Variants in SRCIN1 observed in about 807,000 individuals in gnomAD.
SRCIN1 encodes the protein P130Cas-associated protein.
SRCIN1 carries 50 observed loss-of-function variants against 116.2 expected under a neutral mutation model. The observed-to-expected ratio is 0.43, with a 90% CI of 0.34 to 0.54. The LOEUF (loss-of-function observed/expected upper bound fraction) is 0.54. Ranked by LOEUF, SRCIN1 falls within the 20% of genes least tolerant of loss-of-function variation. The probability of loss-of-function intolerance (pLI) is 0.02; values close to 1 mark genes in which losing one functional copy is unlikely to be tolerated. For synonymous variants in SRCIN1, 736 were observed against 750.0 expected, an observed-to-expected ratio of 0.98 and a Z score of 0.30; for missense variants, 1,446 against 1,672.0, an observed-to-expected ratio of 0.86 and a Z score of 2.36.
At chr17:38,571,831 A>G (rs1252266389) in intron 2 of SRCIN1, among the ~76,000 whole-genome samples, 5 of 152,156 alleles carry the variant, frequency 3.3e-5, no homozygotes, top group Non-Finnish European at 7.4e-5. Flanking sequence ...GGAGTCCTCA[A>G]ACTCCTGGTG....
intron 18 of SRCIN1, among the ~76,000 whole-genome samples, chr17:38,534,073 T>C (rs1391246042): frequency 6.6e-6 from 1 of 152,204 alleles, no homozygotes; most frequent in East Asian, 1.9e-4. Flanking sequence ...CAAGCACTTG[T>C]CGCCCCAGTT....
At chr17:38,535,206 TTTC>T (rs1272187618) in intron 18 of SRCIN1, among the ~76,000 whole-genome samples, 2 of 134,958 alleles carry the variant, frequency 1.5e-5, no homozygotes, top group South Asian at 2.2e-4. Flanking sequence ...TTTCTTTTTC[TTTC>T]TTTTTTTTTT....
At chr17:38,598,717 C>A (rs528695469) in intron 1 of SRCIN1, among the ~76,000 whole-genome samples, 1 of 152,322 alleles carries the variant, frequency 6.6e-6, no homozygotes, top group Non-Finnish European at 1.5e-5. Context: ...AGGCAGGTGG[C>A]CTGGGCTACC....
At chr17:38,542,798 G>A (rs1904829320) in intron 18 of SRCIN1, 1 of 285,392 alleles carries the variant, frequency 3.5e-6, no homozygotes, top group African/African-American at 2.2e-5. Flanking sequence ...CTCCTCCTCT[G>A]AGCTGCCCCC....
chr17:38,542,510 C>T (rs73304407), intron 18 of SRCIN1: 4,035 of 154,244 alleles, frequency 0.026, 177 homozygotes, highest in African/African-American at 0.091. Context: ...CCAGCCCGGA[C>T]AGGACAAGGG....
chr17:38,561,943 C>T lies in SRCIN1; in HGVS notation c.1220G>A (p.Arg407His). 6.8e-7 allele frequency: 1 copy of T among 1,463,376 alleles called. No individual in the cohort carries two copies. Among genetic ancestry groups the T allele is most frequent in the Non-Finnish European group, 8.9e-7 (1 of 1,120,418 alleles). 90.6% of individuals were successfully genotyped at this position (1,463,376 alleles called of 1,614,324 possible). A position where few individuals can be genotyped will look rare whatever the true frequency, so the allele number is the denominator to read the frequency against. Reference protein sequence around the residue: ...ADPYGLLHEGRLSLAAAAGDP... With the variant: ...ADPYGLLHEGHLSLAAAAGDP... ...GCCGGCGGCCGCGGCCAGGCTCAGA[C>T]GGCCCTCGTGCAGCAGCCCGTAGGG... The change falls in exon 7 of 19, where the codon CGT (arginine) becomes CAT (histidine). Residue 407 changes from arginine to histidine, a missense_variant. Transcript: ENST00000617146.
At position 38,559,731 on chromosome 17, in the gene SRCIN1, A is replaced by G; in HGVS notation, c.1879T>C (p.Ser627Pro). Reference sequence around the variant, plus strand: ...CTGGCCGAGGGCGGGGGCGGGCCGGACACCGGGGTGGCCCCGCTGCTCCGG... The same window carrying G: ...CTGGCCGAGGGCGGGGGCGGGCCGGGCACCGGGGTGGCCCCGCTGCTCCGG... ...GGRSSGATPV[S>P]GPPPPSASST... Residue 627 changes from serine to proline, a missense_variant, in exon 10 of 19, where the codon TCC (serine) becomes CCC (proline). Transcript: ENST00000617146. The G allele has an allele frequency of 6.4e-7, 1 of 1,555,492 alleles. No homozygotes were observed. The highest frequency in any genetic ancestry group is 1.2e-5 in the South Asian group (1 of 84,766).
chr17:38,549,014 T>C (rs750409530), intron 16 of SRCIN1, 42 bp downstream of exon 16: 1 of 1,608,508 alleles, frequency 6.2e-7, no homozygotes, highest in East Asian at 2.2e-5. Context: ...GGCTTCATCC[T>C]AACTCAGTCC....
intron 1 of SRCIN1, among the ~76,000 whole-genome samples, chr17:38,595,944 C>T (rs1356496088): frequency 2.6e-5 from 4 of 152,216 alleles, no homozygotes; most frequent in Non-Finnish European, 5.9e-5. Context: ...GCTGGGCCCA[C>T]CAGGGATAGC....
rs1388042800 is a variant in SRCIN1 at position 38,558,050 on chromosome 17, G to A, written c.2201+177C>T. ...AAGAAATCAGGAATAATGCCAGCCG[G>A]TCAAAAGTTTGTGGGTCACAGTGAA... On this transcript the variant is annotated intron_variant, in intron 11 of 18. Coordinates refer to ENST00000617146, the MANE Select transcript of SRCIN1 (RefSeq NM_025248.3). The surrounding 1 kb of genome is among the most constrained non-coding windows in gnomAD (Gnocchi z 4.6). Among the ~76,000 whole-genome samples, 1 of 152,206 alleles carries A rather than the reference G, an allele frequency of 6.6e-6. No homozygotes were observed. The highest frequency in any genetic ancestry group is 6.5e-5 in the Admixed American group (1 of 15,274).
intron 10 of SRCIN1, chr17:38,559,273 G>T: frequency 2.0e-6 from 1 of 494,820 alleles, no homozygotes; most frequent in Non-Finnish European, 3.6e-6. Flanking sequence ...ACTGACGACG[G>T]AGGGGCTCAG....
In SRCIN1 at chr17:38,603,834, T is replaced by C. The variant is rs149780533; in HGVS notation, c.22+1850A>G. ...CTTCTACCCCAGGCCACCAGCTAAG[T>C]CTCTGTCCCCAGCAACTCTCAGCTT... On this transcript the variant is annotated intron_variant, in intron 1 of 18. Transcript: ENST00000617146. Among the ~76,000 whole-genome samples, 3 of 151,598 alleles carry C rather than the reference T, an allele frequency of 2.0e-5. No homozygotes were observed. In the South Asian group the frequency reaches 6.2e-4, roughly 32 times the overall value.
At chr17:38,533,968 T>TCCACCACCA (rs142815334) in intron 18 of SRCIN1, among the ~76,000 whole-genome samples, 72 of 151,860 alleles carry the variant, frequency 4.7e-4, no homozygotes, top group African/African-American at 1.7e-3. Flanking sequence ...AAAGACCCCG[T>TCCACCACCA]CCACCACCAC....
At chr17:38,580,658 C>T (rs1428796023) in intron 1 of SRCIN1, among the ~76,000 whole-genome samples, 2 of 152,160 alleles carry the variant, frequency 1.3e-5, no homozygotes, top group Admixed American at 6.5e-5. Context: ...TTGACAGCAC[C>T]ACATGGCATG....
At chr17:38,535,506 C>T (rs762611851) in intron 18 of SRCIN1, among the ~76,000 whole-genome samples, 9 of 152,172 alleles carry the variant, frequency 5.9e-5, no homozygotes, top group Non-Finnish European at 1.2e-4. Flanking sequence ...CGCGCCTGGC[C>T]CTGTTTGGGT....
intron 16 of SRCIN1, 52 bp from the exon 17 acceptor site, chr17:38,548,761 C>G: frequency 6.7e-7 from 1 of 1,501,826 alleles, no homozygotes; most frequent in African/African-American, 1.4e-5. Context: ...ACTTCAGCAC[C>G]AGCTCACCTC....
chr17:38,545,509 C>A (rs941305766), intron 17 of SRCIN1: 1 of 152,708 alleles, frequency 6.5e-6, no homozygotes, highest in African/African-American at 2.4e-5. Flanking sequence ...CAACCAAACC[C>A]CAAGCTAAAA....
rs553434221 is a variant in SRCIN1, at chr17:38,543,673, G to A, written c.3417+150C>T. On this transcript the variant is annotated intron_variant, in intron 18 of 18. Coordinates refer to ENST00000617146, the MANE Select transcript of SRCIN1 (RefSeq NM_025248.3). ...GGAGGAGGGAGAAGACGGTTCAGGGGGTGGGTGGGGCAGTCCTGGCAGGGA... is the reference window on the plus strand; with the variant it reads ...GGAGGAGGGAGAAGACGGTTCAGGGAGTGGGTGGGGCAGTCCTGGCAGGGA... 23 of 1,148,900 alleles carry A rather than the reference G, an allele frequency of 2.0e-5. No individual in the cohort carries two copies. In the South Asian group the frequency reaches 3.5e-4, roughly 18 times the overall value. The allele number at this position is 1,148,900 out of a possible 1,614,324, so 71.2% of individuals were successfully genotyped here. A position where few individuals can be genotyped will look rare whatever the true frequency, so the allele number is the denominator to read the frequency against.
intron 1 of SRCIN1, among the ~76,000 whole-genome samples, chr17:38,584,427 G>T (rs1159986237): frequency 6.6e-6 from 1 of 152,250 alleles, no homozygotes; most frequent in South Asian, 2.1e-4. Context: ...GAAGGGCAGG[G>T]TGAGGAAGGC....
Sources: gnomAD v4.1 joint callset for allele counts (sites outside exome capture counted in the v4.1 genomes callset) on GRCh38, gnomAD v4.1.1 for gene constraint, Gnocchi (gnomAD v3.1) non-coding constraint, MANE v1.5 for transcripts, NCBI Gene and HGNC (gene_info 2026-07-23, HGNC 2026-07-21) for gene names.